SRGAP1: variants seen among roughly 807,000 people sequenced by gnomAD.
SRGAP1 encodes SLIT-ROBO Rho GTPase activating protein 1, also known as SLIT-ROBO Rho GTPase-activating protein 1.
Under a neutral mutation model 121.9 loss-of-function variants are expected in SRGAP1, and 43 were observed. That is an observed-to-expected ratio of 0.35 (90% confidence interval 0.28 to 0.46). The LOEUF (loss-of-function observed/expected upper bound fraction) is 0.46. Ranked by LOEUF, SRGAP1 falls within the 20% of genes least tolerant of loss-of-function variation. The pLI, the probability that SRGAP1 is intolerant of heterozygous loss-of-function variation, is 1.00. For synonymous variants in SRGAP1, 447 were observed against 485.4 expected, an observed-to-expected ratio of 0.92 and a Z score of 1.04; for missense variants, 1,102 against 1,350.9, an observed-to-expected ratio of 0.82 and a Z score of 2.89.
At chr12:64,031,317 CAAA>C (rs578019090) in intron 4 of SRGAP1, among the ~76,000 whole-genome samples, 1 of 95,718 alleles carries the variant, frequency 1.0e-5, no homozygotes, top group Non-Finnish European at 2.0e-5. Flanking sequence ...GACTCTGTCT[CAAA>C]AAAAAAAAAA....
chr12:63,890,158 C>T (rs1900529387), intron 1 of SRGAP1, among the ~76,000 whole-genome samples: 1 of 152,140 alleles, frequency 6.6e-6, no homozygotes, highest in Admixed American at 6.5e-5. Context: ...AAATAACTCA[C>T]CGTTATTCTT....
At chr12:64,106,475 C>G (rs2036347205) in intron 15 of SRGAP1, among the ~76,000 whole-genome samples, 1 of 152,126 alleles carries the variant, frequency 6.6e-6, no homozygotes, top group African/African-American at 2.4e-5. Flanking sequence ...TTTAAAGATA[C>G]AGAATTCCCA....
chr12:63,868,075 T>TG (rs1899716560), intron 1 of SRGAP1, among the ~76,000 whole-genome samples: 10 of 97,018 alleles, frequency 1.0e-4, no homozygotes, highest in African/African-American at 4.3e-4. Flanking sequence ...TTTTTTTTTT[T>TG]TTTGTTTTTT....
intron 12 of SRGAP1, among the ~76,000 whole-genome samples, 173 bp downstream of exon 12, chr12:64,091,551 G>A (rs544523874): frequency 1.3e-3 from 191 of 152,178 alleles, no homozygotes; most frequent in African/African-American, 4.3e-3. Flanking sequence ...TATTTGGGTC[G>A]AGTGCCTTCA....
rs190846602 is a variant in SRGAP1 at position 64,045,656 on chromosome 12, G to A, written c.801+2081G>A. On this transcript the variant is annotated intron_variant, in intron 6 of 21. Coordinates refer to ENST00000355086, the MANE Select transcript of SRGAP1 (RefSeq NM_020762.4). ...TTACCATGTTGGTTAGGCTGGTCTC[G>A]AACTCCTGACCTCGTGATCCACCTG... Among the ~76,000 whole-genome samples, 530 of 152,036 alleles carry A rather than the reference G, an allele frequency of 3.5e-3. 5 individuals are homozygous for A. The highest frequency in any genetic ancestry group is 0.01 in the Middle Eastern group (3 of 294).
chr12:63,947,526 G>C (rs1479341344), intron 1 of SRGAP1, among the ~76,000 whole-genome samples: 1 of 152,154 alleles, frequency 6.6e-6, no homozygotes, highest in East Asian at 1.9e-4. Flanking sequence ...GATACCTGTT[G>C]CTCTAGAACT....
intron 6 of SRGAP1, among the ~76,000 whole-genome samples, chr12:64,053,961 T>C (rs553809082): frequency 2.0e-4 from 30 of 152,330 alleles, no homozygotes; most frequent in Admixed American, 1.6e-3. Context: ...ACTGAAAATA[T>C]GGAATTCTTA....
At chr12:63,959,944 CT>C (rs1477123550) in intron 1 of SRGAP1, among the ~76,000 whole-genome samples, 1 of 152,170 alleles carries the variant, frequency 6.6e-6, no homozygotes, top group Admixed American at 6.5e-5. Context: ...TATCTTCTGG[CT>C]TTGAAACTTT....
intron 4 of SRGAP1, among the ~76,000 whole-genome samples, chr12:64,023,480 C>G (rs910832196): frequency 1.3e-5 from 2 of 152,074 alleles, no homozygotes; most frequent in Non-Finnish European, 2.9e-5. Context: ...ATGATTTGCC[C>G]TTTATTACTA....
chr12:64,023,800 G>A (rs550970500), intron 4 of SRGAP1, among the ~76,000 whole-genome samples: 13 of 152,114 alleles, frequency 8.5e-5, no homozygotes, highest in Admixed American at 1.3e-4. Flanking sequence ...TTTATTTCCC[G>A]CAGCAGCACT....
At chr12:64,021,937 A>G (rs184258484) in intron 4 of SRGAP1, among the ~76,000 whole-genome samples, 2 of 152,370 alleles carry the variant, frequency 1.3e-5, no homozygotes, top group East Asian at 3.9e-4. Context: ...ATTTGAAAGC[A>G]AGCTAAAGGA....
Position 64,063,146 on chromosome 12 carries a change from AT to A in SRGAP1, c.1023+10del. On this transcript the variant is annotated intron_variant, in intron 7 of 21. Coordinates refer to ENST00000355086, the MANE Select transcript of SRGAP1 (RefSeq NM_020762.4). ...TCTCACATGGGTGATGAGGTCAGTAATTGATCATTTTTAAAATAATGAATTG... is the reference window on the plus strand; with the variant it reads ...TCTCACATGGGTGATGAGGTCAGTAATGATCATTTTTAAAATAATGAATTG... 6.3e-7 allele frequency: 1 copy of A among 1,597,348 alleles called. No individual in the cohort carries two copies. Among genetic ancestry groups the A allele is most frequent in the Non-Finnish European group, 8.6e-7 (1 of 1,166,348 alleles).
chr12:63,957,470 T>C (rs1054668808), intron 1 of SRGAP1, among the ~76,000 whole-genome samples: 3 of 152,110 alleles, frequency 2.0e-5, no homozygotes, highest in African/African-American at 4.8e-5. Context: ...GGAGAAAAGA[T>C]GGAAGGAAGG....
chr12:64,054,363 T>C (rs914818848), intron 6 of SRGAP1, among the ~76,000 whole-genome samples: 6 of 152,230 alleles, frequency 3.9e-5, no homozygotes, highest in Admixed American at 6.5e-5. Flanking sequence ...CATCCTTTTT[T>C]ATCTTTTCTG....
At chr12:64,044,085 A>G (rs1193340634) in intron 6 of SRGAP1, among the ~76,000 whole-genome samples, 1 of 152,234 alleles carries the variant, frequency 6.6e-6, no homozygotes, top group Non-Finnish European at 1.5e-5. Context: ...AGTGACATTT[A>G]CAGATGTAAC....
At chr12:64,065,592 T>A (rs925413576) in intron 8 of SRGAP1, among the ~76,000 whole-genome samples, 1 of 152,208 alleles carries the variant, frequency 6.6e-6, no homozygotes, top group Non-Finnish European at 1.5e-5. Context: ...AAATATTTTG[T>A]AGAGATGGGG....
rs76371001 is a variant in SRGAP1 at position 64,104,166 on chromosome 12, A to T, written c.1814-4766A>T. Among the ~76,000 whole-genome samples the T allele has an allele frequency of 1.0e-2, 1,522 of 152,324 alleles. 23 individuals carry two copies. The highest frequency in any genetic ancestry group is 0.034 in the African/African-American group (1,425 of 41,560). On this transcript the variant is annotated intron_variant, in intron 15 of 21. Coordinates refer to ENST00000355086, the MANE Select transcript of SRGAP1 (RefSeq NM_020762.4). ...GTGATGACCATTTGAACTTTTTGCC[A>T]TTTGCTGAAGTAACTTGTGTTTTAT...
Position 64,140,779 on chromosome 12 carries a change from C to T in SRGAP1, c.2881-1516C>T, listed in dbSNP as rs1339980872. ...CAGCCATCCCATTACTGGGTATATA[C>T]CCAAAGGACTATAAATCATGCTGCT... On this transcript the variant is annotated intron_variant, in intron 21 of 21. Transcript: ENST00000355086. 2.2e-5 allele frequency among the ~76,000 whole-genome samples: 3 copies of T among 133,498 alleles called. No individual in the cohort carries two copies. In the Admixed American group the frequency reaches 2.4e-4, roughly 11 times the overall value. 87.6% of individuals were successfully genotyped at this position (133,498 alleles called of 152,430 possible).
intron 1 of SRGAP1, among the ~76,000 whole-genome samples, chr12:63,949,584 C>T (rs1208820525): frequency 3.3e-5 from 5 of 151,754 alleles, no homozygotes; most frequent in African/African-American, 9.7e-5. Context: ...CCTGCCACCA[C>T]GTCCAGCTAA....
Sources: gnomAD v4.1 joint callset for allele counts (sites outside exome capture counted in the v4.1 genomes callset) on GRCh38, gnomAD v4.1.1 for gene constraint, MANE v1.5 for transcripts, NCBI Gene and HGNC (gene_info 2026-07-23, HGNC 2026-07-21) for gene names.